The following IL1RAPL1 variants were observed in gnomAD, a reference collection of about 807,000 sequenced individuals.
IL1RAPL1 encodes the protein interleukin 1 receptor accessory protein like 1, also known as interleukin-1 receptor accessory protein-like 1.
A neutral mutation model predicts 48.4 loss-of-function variants in IL1RAPL1; 3 were observed. The ratio of observed to expected loss-of-function variants is 0.06; its 90% CI spans 0.03 to 0.16. The LOEUF (loss-of-function observed/expected upper bound fraction) is 0.16. IL1RAPL1 is among the 10% of genes least tolerant of loss of function. The pLI, the probability that IL1RAPL1 is intolerant of heterozygous loss-of-function variation, is 1.00. For missense variants in IL1RAPL1, 349 were observed against 530.6 expected (o/e 0.66, Z 3.36); for synonymous variants, 185 against 187.7 (o/e 0.99, Z 0.12).
At chrX:29,510,409 A>G (rs1027921131) in intron 5 of IL1RAPL1, among the ~76,000 whole-genome samples, 11 of 112,422 alleles carry the variant, frequency 9.8e-5, no homozygotes, top group Non-Finnish European at 1.9e-4. Context: ...ACATTTTCCA[A>G]TGACACATTA....
At chrX:28,714,674 AAGT>A (rs1217845123) in intron 1 of IL1RAPL1, among the ~76,000 whole-genome samples, 1 of 111,917 alleles carries the variant, frequency 8.9e-6, no homozygotes, top group Non-Finnish European at 1.9e-5. Context: ...GCAGCCTTGA[AAGT>A]AGAAAATTTA....
intron 2 of IL1RAPL1, among the ~76,000 whole-genome samples, chrX:29,074,169 AG>A (rs1316943207): frequency 8.9e-6 from 1 of 111,973 alleles, no homozygotes; most frequent in Non-Finnish European, 1.9e-5. Flanking sequence ...GAGGGAATGC[AG>A]GGGCTAAATA....
At chrX:28,794,314 T>A (rs1289138525) in intron 2 of IL1RAPL1, among the ~76,000 whole-genome samples, 1 of 111,569 alleles carries the variant, frequency 9.0e-6, no homozygotes, top group Non-Finnish European at 1.9e-5. Context: ...ATTGGAATTC[T>A]ACTACGTTTA....
chrX:29,670,750 C>T (rs1463863046), intron 6 of IL1RAPL1, among the ~76,000 whole-genome samples: 1 of 111,835 alleles, frequency 8.9e-6, no homozygotes, highest in Admixed American at 9.5e-5. Context: ...TTAATTTTTG[C>T]CCTTTCCATA....
At chrX:28,882,051 A>G (rs1382703596) in intron 2 of IL1RAPL1, among the ~76,000 whole-genome samples, 1 of 109,959 alleles carries the variant, frequency 9.1e-6, no homozygotes, top group Non-Finnish European at 1.9e-5. Context: ...TCTATGTAGG[A>G]GAAACCCCAA....
At chrX:29,122,984 T>C (rs979586149) in intron 2 of IL1RAPL1, among the ~76,000 whole-genome samples, 1 of 108,229 alleles carries the variant, frequency 9.2e-6, no homozygotes, top group African/African-American at 3.4e-5. Flanking sequence ...AAAAGTATTA[T>C]GTTAATTATA....
rs1455084567 is a variant in IL1RAPL1 at position 29,507,313 on chromosome X, CCTCT to C, written c.703+108015_703+108018del. On this transcript the variant is annotated intron_variant, in intron 5 of 10. Coordinates refer to ENST00000378993, the MANE Select transcript of IL1RAPL1 (RefSeq NM_014271.4). ...TTTCTCTCTCCTTCCTTCCTTCCTT[CCTCT>C]CTCTCTCTCCTTCCTTCATTTCTCC... 5.7e-3 allele frequency among the ~76,000 whole-genome samples: 429 copies of C among 75,705 alleles called. 13 individuals are homozygous for C. Among genetic ancestry groups the C allele is most frequent in the African/African-American group, 0.021 (413 of 19,688 alleles). The allele number at this position is 75,705 out of a possible 115,157, so 65.7% of individuals were successfully genotyped here. A position where few individuals can be genotyped will look rare whatever the true frequency, so the allele number is the denominator to read the frequency against.
chrX:29,754,264 T>A (rs1465135881), intron 6 of IL1RAPL1, among the ~76,000 whole-genome samples: 1 of 111,834 alleles, frequency 8.9e-6, no homozygotes, highest in Non-Finnish European at 1.9e-5. Flanking sequence ...TCATTATCTG[T>A]CATTCAAAAC....
At chrX:28,819,986 AT>A in intron 2 of IL1RAPL1, among the ~76,000 whole-genome samples, 1 of 76,568 alleles carries the variant, frequency 1.3e-5, no homozygotes, top group South Asian at 7.1e-4. Context: ...ATATATATAT[AT>A]ATATATATAT....
At chrX:28,999,265 T>C (rs1333557222) in intron 2 of IL1RAPL1, among the ~76,000 whole-genome samples, 1 of 111,781 alleles carries the variant, frequency 8.9e-6, no homozygotes, top group Non-Finnish European at 1.9e-5. Flanking sequence ...ATCTATACTT[T>C]TATTAATCCA....
intron 5 of IL1RAPL1, among the ~76,000 whole-genome samples, chrX:29,537,498 G>A (rs1287958538): frequency 3.7e-5 from 4 of 108,882 alleles, no homozygotes; most frequent in Non-Finnish European, 7.6e-5. Flanking sequence ...AGAATAACAA[G>A]CATACAAGAT....
At chrX:29,149,708 C>G (rs1226225840) in intron 2 of IL1RAPL1, among the ~76,000 whole-genome samples, 2 of 112,018 alleles carry the variant, frequency 1.8e-5, no homozygotes, top group Non-Finnish European at 3.8e-5. Flanking sequence ...TTGAAACTAT[C>G]TTGAAATGTA....
At chrX:29,415,296 A>G (rs1934199395) in intron 5 of IL1RAPL1, among the ~76,000 whole-genome samples, 1 of 112,246 alleles carries the variant, frequency 8.9e-6, no homozygotes, top group Non-Finnish European at 1.9e-5. Flanking sequence ...TAATAAGTGA[A>G]TTAGATGTCT....
chrX:29,797,946 G>C (rs1260722417), intron 6 of IL1RAPL1, among the ~76,000 whole-genome samples: 1 of 112,037 alleles, frequency 8.9e-6, no homozygotes, highest in Non-Finnish European at 1.9e-5. Context: ...CCCCAAGCCA[G>C]TGGTTCTCAA....
At chrX:28,632,940 G>A (rs1934416535) in intron 1 of IL1RAPL1, among the ~76,000 whole-genome samples, 1 of 97,004 alleles carries the variant, frequency 1.0e-5, no homozygotes, top group Non-Finnish European at 2.0e-5. Flanking sequence ...CCAGGCTGGA[G>A]TGTGGTGGTG....
intron 8 of IL1RAPL1, among the ~76,000 whole-genome samples, chrX:29,938,106 A>G (rs1283865981): frequency 2.7e-5 from 3 of 111,546 alleles, no homozygotes; most frequent in Non-Finnish European, 3.8e-5. Context: ...ATTCTAAGTA[A>G]TGTATATCAT....
intron 6 of IL1RAPL1, among the ~76,000 whole-genome samples, chrX:29,801,686 T>C (rs1929907993): frequency 8.9e-6 from 1 of 111,910 alleles, no homozygotes; most frequent in Non-Finnish European, 1.9e-5. Context: ...AGCATTTAGT[T>C]TGTGAAATGT....
chrX:29,470,280 A>C (rs1204305157), intron 5 of IL1RAPL1, among the ~76,000 whole-genome samples: 1 of 112,054 alleles, frequency 8.9e-6, no homozygotes, highest in Non-Finnish European at 1.9e-5. Flanking sequence ...TATTGGCCAG[A>C]TTCCATATAA....
intron 6 of IL1RAPL1, among the ~76,000 whole-genome samples, chrX:29,891,838 C>A (rs1932280678): frequency 9.0e-6 from 1 of 111,084 alleles, no homozygotes; most frequent in Non-Finnish European, 1.9e-5. Context: ...TTGTGAAATT[C>A]TTCATTAATT....
Sources: gnomAD v4.1 joint callset for allele counts (sites outside exome capture counted in the v4.1 genomes callset) on GRCh38, gnomAD v4.1.1 for gene constraint, MANE v1.5 for transcripts, NCBI Gene and HGNC (gene_info 2026-07-23, HGNC 2026-07-21) for gene names.